The following MICU1 variants were observed in gnomAD, a reference collection of about 807,000 sequenced individuals.
The protein encoded by MICU1 is calcium uptake protein 1, mitochondrial.
MICU1 carries 45 observed loss-of-function variants against 56.8 expected under a neutral mutation model. The observed-to-expected ratio is 0.79, with a 90% CI of 0.62 to 1.02. The LOEUF (loss-of-function observed/expected upper bound fraction) is 1.02. Ranked by LOEUF, MICU1 falls within the 50% of genes least tolerant of loss-of-function variation. The pLI, the probability that MICU1 is intolerant of heterozygous loss-of-function variation, is 0.00. For synonymous variants in MICU1, 186 were observed against 195.1 expected (o/e 0.95, Z 0.39); for missense variants, 504 against 587.1 (o/e 0.86, Z 1.46).
intron 6 of MICU1, among the ~76,000 whole-genome samples, chr10:72,487,763 C>A (rs770688912): frequency 2.6e-5 from 4 of 152,190 alleles, no homozygotes; most frequent in Non-Finnish European, 5.9e-5. Context: ...TATTCCTCAA[C>A]AAACAAGGGC....
intron 5 of MICU1, among the ~76,000 whole-genome samples, chr10:72,531,846 C>G (rs1320056902): frequency 6.6e-6 from 1 of 150,712 alleles, no homozygotes; most frequent in Non-Finnish European, 1.5e-5. Flanking sequence ...TTAAACTGAT[C>G]AAACAATAAA....
At chr10:72,399,863 C>T (rs1007423349) in intron 10 of MICU1, among the ~76,000 whole-genome samples, 1 of 152,116 alleles carries the variant, frequency 6.6e-6, no homozygotes, top group African/African-American at 2.4e-5. Context: ...GAGGCTGAGG[C>T]AGGAGAATCG....
At chr10:72,525,050 A>G (rs1867924922) in intron 5 of MICU1, among the ~76,000 whole-genome samples, 1 of 152,166 alleles carries the variant, frequency 6.6e-6, no homozygotes, top group Non-Finnish European at 1.5e-5. Context: ...GGATGAGTTC[A>G]GATAATTAGT....
intron 1 of MICU1, among the ~76,000 whole-genome samples, chr10:72,612,732 T>C (rs951194782): frequency 6.6e-6 from 1 of 151,736 alleles, no homozygotes; most frequent in African/African-American, 2.4e-5. Flanking sequence ...GCCTAGGAGT[T>C]TGAAGCTGCA....
intron 10 of MICU1, among the ~76,000 whole-genome samples, chr10:72,379,958 T>C (rs1862645645): frequency 6.6e-6 from 1 of 152,154 alleles, no homozygotes; most frequent in South Asian, 2.1e-4. Flanking sequence ...CAACATTTAA[T>C]AGCTGGTGAG....
intron 10 of MICU1, among the ~76,000 whole-genome samples, chr10:72,406,529 T>G (rs1863635375): frequency 6.6e-6 from 1 of 152,056 alleles, no homozygotes; most frequent in African/African-American, 2.4e-5. Context: ...CAAAGTAATC[T>G]TGAAAAAGAA....
chr10:72,420,910 G>A (rs1470120475), intron 9 of MICU1, among the ~76,000 whole-genome samples: 1 of 149,264 alleles, frequency 6.7e-6, no homozygotes, highest in African/African-American at 2.5e-5. Context: ...TTCTGGGCAG[G>A]AGAATCACTT....
At chr10:72,492,442 G>A (rs1866689173) in intron 6 of MICU1, among the ~76,000 whole-genome samples, 1 of 152,082 alleles carries the variant, frequency 6.6e-6, no homozygotes, top group Admixed American at 6.6e-5. Context: ...CTGACAGATT[G>A]GAAATACAAT....
rs777052643 is a variant in MICU1, at chr10:72,513,735, TA to T, written c.538-5467del. Among the ~76,000 whole-genome samples the T allele has an allele frequency of 1.1e-4, 16 of 152,270 alleles. No individual in the cohort carries two copies. In the East Asian group the frequency reaches 2.7e-3, roughly 26 times the overall value. Reference sequence around the variant, plus strand: ...GTTAAATTTTGTATATAATGTGAAGTAGGGGGTTCACCTTCATTCTTTTGTA... The same window carrying T: ...GTTAAATTTTGTATATAATGTGAAGTGGGGGTTCACCTTCATTCTTTTGTA... On this transcript the variant is annotated intron_variant, in intron 5 of 11. Coordinates refer to ENST00000361114, the MANE Select transcript of MICU1 (RefSeq NM_001195518.2).
At chr10:72,500,261 C>CAT (rs869065639) in intron 6 of MICU1, among the ~76,000 whole-genome samples, 493 of 28,854 alleles carry the variant, frequency 0.017, 1 homozygote, top group Non-Finnish European at 0.029. Context: ...TACATACATA[C>CAT]ATATATATAT....
intron 5 of MICU1, among the ~76,000 whole-genome samples, chr10:72,525,864 T>C (rs1485773172): frequency 6.6e-6 from 1 of 152,160 alleles, no homozygotes; most frequent in Non-Finnish European, 1.5e-5. Context: ...GGAGAGCCTA[T>C]ATTTAAATAC....
At chr10:72,464,611 AT>A (rs1589247314) in intron 8 of MICU1, among the ~76,000 whole-genome samples, 1 of 152,218 alleles carries the variant, frequency 6.6e-6, no homozygotes, top group East Asian at 1.9e-4. Flanking sequence ...TATATACCAT[AT>A]AGCTATACCA....
At chr10:72,526,212 G>T (rs1867957664) in intron 5 of MICU1, among the ~76,000 whole-genome samples, 1 of 152,128 alleles carries the variant, frequency 6.6e-6, no homozygotes, top group African/African-American at 2.4e-5. Flanking sequence ...GGCAAAATCT[G>T]TAACTAAAAA....
intron 8 of MICU1, among the ~76,000 whole-genome samples, chr10:72,461,976 ACT>A (rs886661847): frequency 2.0e-5 from 3 of 151,680 alleles, no homozygotes; most frequent in Non-Finnish European, 4.4e-5. Flanking sequence ...CAACAAAAAG[ACT>A]CTGGAGCCAG....
intron 8 of MICU1, among the ~76,000 whole-genome samples, chr10:72,463,664 T>A (rs1865704382): frequency 6.6e-6 from 1 of 152,196 alleles, no homozygotes; most frequent in South Asian, 2.1e-4. Flanking sequence ...GGCGTTCCCA[T>A]AAGATTATCA....
chr10:72,404,997 C>T (rs1244872497), intron 10 of MICU1, among the ~76,000 whole-genome samples: 1 of 152,188 alleles, frequency 6.6e-6, no homozygotes, highest in East Asian at 1.9e-4. Context: ...ACATCCATCT[C>T]CCGGGTTCAA....
chr10:72,523,974 CT>C (rs1867897187), intron 5 of MICU1: 5 of 1,312,780 alleles, frequency 3.8e-6, no homozygotes, highest in Non-Finnish European at 4.8e-6. Context: ...AGCCATTTTA[CT>C]GAGCAAAGTG....
intron 8 of MICU1, among the ~76,000 whole-genome samples, chr10:72,463,480 C>T (rs1865699635): frequency 6.6e-6 from 1 of 152,162 alleles, no homozygotes; most frequent in Non-Finnish European, 1.5e-5. Context: ...TTCCTCCATT[C>T]TCCAAAAGGT....
At chr10:72,438,558 C>T (rs1229343250) in intron 8 of MICU1, among the ~76,000 whole-genome samples, 2 of 152,002 alleles carry the variant, frequency 1.3e-5, no homozygotes, top group African/African-American at 2.4e-5. Context: ...CAGAGCAGAA[C>T]TGAAAGAGAT....
Sources: gnomAD v4.1 joint callset for allele counts (sites outside exome capture counted in the v4.1 genomes callset) on GRCh38, gnomAD v4.1.1 for gene constraint, MANE v1.5 for transcripts, NCBI Gene and HGNC (gene_info 2026-07-23, HGNC 2026-07-21) for gene names.